NELL1: variants seen among roughly 807,000 people sequenced by gnomAD.
NELL1 encodes the protein neural EGFL like 1.
A neutral mutation model predicts 107.4 loss-of-function variants in NELL1; 76 were observed. The ratio of observed to expected loss-of-function variants is 0.71; its 90% CI spans 0.59 to 0.86. The LOEUF is 0.86. Ranked by LOEUF, NELL1 falls within the 40% of genes least tolerant of loss-of-function variation. The pLI is 0.00. For missense variants in NELL1, 1,024 were observed against 1,005.5 expected (o/e 1.02, Z -0.25); for synonymous variants, 353 against 341.2 (o/e 1.03, Z -0.38).
chr11:20,774,364 C>G (rs1315237001), intron 2 of NELL1, among the ~76,000 whole-genome samples: 1 of 145,862 alleles, frequency 6.9e-6, no homozygotes, highest in Non-Finnish European at 1.5e-5. Context: ...TTCTTTCTCT[C>G]TCTTCTTTCC....
intron 14 of NELL1, among the ~76,000 whole-genome samples, chr11:21,265,462 C>A (rs958571920): frequency 6.6e-6 from 1 of 151,976 alleles, no homozygotes; most frequent in Non-Finnish European, 1.5e-5. Flanking sequence ...TGCCATCTGT[C>A]AGCTCTTCTG....
At chr11:21,483,990 C>CACAT (rs1854559074) in intron 15 of NELL1, among the ~76,000 whole-genome samples, 1 of 88,400 alleles carries the variant, frequency 1.1e-5, no homozygotes, top group Admixed American at 1.2e-4. Context: ...TTTTACTTAA[C>CACAT]ATATATATAT....
At chr11:21,303,052 C>A (rs1446776378) in intron 14 of NELL1, among the ~76,000 whole-genome samples, 1 of 151,242 alleles carries the variant, frequency 6.6e-6, no homozygotes, top group African/African-American at 2.4e-5. Flanking sequence ...AAGAGCAAGA[C>A]CCCATATCTC....
intron 4 of NELL1, among the ~76,000 whole-genome samples, chr11:20,852,159 T>A (rs772258907): frequency 6.6e-6 from 1 of 152,240 alleles, no homozygotes; most frequent in African/African-American, 2.4e-5. Context: ...AACTTAGCTC[T>A]TATTTTTTCA....
chr11:21,132,813 G>A (rs1157381941), intron 13 of NELL1, among the ~76,000 whole-genome samples: 2 of 152,152 alleles, frequency 1.3e-5, no homozygotes, highest in African/African-American at 4.8e-5. Flanking sequence ...TTCAGTGCAT[G>A]TTTAAACCCT....
chr11:21,486,749 T>G (rs371712233), intron 15 of NELL1, among the ~76,000 whole-genome samples: 1 of 152,088 alleles, frequency 6.6e-6, no homozygotes, highest in Non-Finnish European at 1.5e-5. Context: ...AGGATATGAA[T>G]TTAAAAATTA....
At chr11:21,000,367 T>G (rs1189854400) in intron 12 of NELL1, among the ~76,000 whole-genome samples, 1 of 152,238 alleles carries the variant, frequency 6.6e-6, no homozygotes, top group African/African-American at 2.4e-5. Flanking sequence ...GGAACCTTTA[T>G]GAACTTTGTC....
chr11:21,302,686 CAT>C (rs1195903408), intron 14 of NELL1, among the ~76,000 whole-genome samples: 1 of 151,928 alleles, frequency 6.6e-6, no homozygotes, highest in Non-Finnish European at 1.5e-5. Flanking sequence ...TTTATTAACT[CAT>C]GTGCTGATTA....
intron 12 of NELL1, among the ~76,000 whole-genome samples, chr11:21,024,769 T>C (rs1352146508): frequency 6.6e-6 from 1 of 152,168 alleles, no homozygotes; most frequent in African/African-American, 2.4e-5. Context: ...TCCAAGGCTA[T>C]AGTTTCTTAT....
chr11:21,140,309 G>T (rs1855837954), intron 13 of NELL1, among the ~76,000 whole-genome samples: 1 of 152,162 alleles, frequency 6.6e-6, no homozygotes, highest in African/African-American at 2.4e-5. Flanking sequence ...ATCACATGTT[G>T]TACAAAGCCT....
intron 2 of NELL1, among the ~76,000 whole-genome samples, chr11:20,776,259 G>A (rs1253570848): frequency 6.6e-5 from 10 of 152,006 alleles, no homozygotes; most frequent in Admixed American, 2.0e-4. Context: ...GCAACATGGC[G>A]AAACCCCATC....
chr11:20,928,410 C>T lies in NELL1; in HGVS notation c.928C>T (p.Pro310Ser), dbSNP rs1389093798. 3 of 1,613,922 alleles carry T rather than the reference C, an allele frequency of 1.9e-6. No individual in the cohort carries two copies. Among genetic ancestry groups the T allele is most frequent in the Non-Finnish European group, 2.5e-6 (3 of 1,179,952 alleles). The change falls in exon 9 of 20, where the codon CCC becomes TCC. Residue 310 changes from proline (P) to serine (S), a missense_variant. Transcript: ENST00000357134. ...CGTGGAATGCCGAAGGATGTCCTGTCCCCCTCTCAATTGCTCCCCAGACTC... is the reference window on the plus strand; with the variant it reads ...CGTGGAATGCCGAAGGATGTCCTGTTCCCCTCTCAATTGCTCCCCAGACTC... ...GAVECRRMSC[P>S]PLNCSPDSLP...
intron 12 of NELL1, among the ~76,000 whole-genome samples, chr11:21,086,523 C>T (rs1437767566): frequency 3.9e-5 from 6 of 152,114 alleles, no homozygotes; most frequent in Admixed American, 6.5e-5. Context: ...GGAATCTTCA[C>T]CCACCACCAG....
At chr11:21,330,256 G>T (rs924214414) in intron 14 of NELL1, among the ~76,000 whole-genome samples, 1 of 151,924 alleles carries the variant, frequency 6.6e-6, no homozygotes, top group Non-Finnish European at 1.5e-5. Flanking sequence ...CATGTTAAGA[G>T]AAAAAAGGAA....
intron 15 of NELL1, among the ~76,000 whole-genome samples, chr11:21,482,678 A>T (rs1047695896): frequency 2.7e-4 from 41 of 151,640 alleles, no homozygotes; most frequent in African/African-American, 9.9e-4. Context: ...TTGAGGGCAG[A>T]TTACTCACTC....
chr11:21,044,396 A>T (rs1374103638), intron 12 of NELL1, among the ~76,000 whole-genome samples: 1 of 152,148 alleles, frequency 6.6e-6, no homozygotes, highest in African/African-American at 2.4e-5. Context: ...AATTAAAAGT[A>T]AGAATGTGGA....
chr11:21,546,529 C>T (rs578107305), intron 16 of NELL1, among the ~76,000 whole-genome samples: 2 of 152,024 alleles, frequency 1.3e-5, no homozygotes, highest in African/African-American at 4.8e-5. Context: ...AGGGTTTTCC[C>T]TGCTACTCTC....
At chr11:20,764,865 T>G (rs74882121) in intron 2 of NELL1, among the ~76,000 whole-genome samples, 229 of 152,026 alleles carry the variant, frequency 1.5e-3, no homozygotes, top group African/African-American at 5.3e-3. Context: ...GGGCTGCTGT[T>G]TAAATTGGAA....
chr11:20,836,153 A>G (rs926846859), intron 3 of NELL1, among the ~76,000 whole-genome samples: 1 of 152,174 alleles, frequency 6.6e-6, no homozygotes, highest in Non-Finnish European at 1.5e-5. Context: ...ACATCTTACT[A>G]AAGAAGATAT....
Sources: allele counts gnomAD v4.1 joint callset (sites outside exome capture counted in the v4.1 genomes callset), GRCh38; gene constraint gnomAD v4.1.1; transcripts MANE v1.5; gene names NCBI Gene and HGNC (gene_info 2026-07-23, HGNC 2026-07-21).